Variants in RBPMS2 observed in about 807,000 individuals in gnomAD.
RBPMS2 encodes the protein RNA binding protein, mRNA processing factor 2, also known as RNA-binding protein with multiple splicing 2.
In RBPMS2, 14 loss-of-function variants were observed where a neutral mutation model predicts 25.7. That is an observed-to-expected ratio of 0.55 (90% CI 0.36 to 0.85). The LOEUF (loss-of-function observed/expected upper bound fraction) is 0.85, where lower values mean the gene tolerates loss of function less well. RBPMS2 is among the 40% of genes least tolerant of loss of function. The pLI, the probability that RBPMS2 is intolerant of heterozygous loss-of-function variation, is 0.01. For synonymous variants in RBPMS2, 127 were observed against 115.6 expected, an observed-to-expected ratio of 1.10 and a Z score of -0.63; for missense variants, 252 against 283.4, an observed-to-expected ratio of 0.89 and a Z score of 0.80.
chr15:64,753,817 T>G (rs1316722526), intron 1 of RBPMS2, among the ~76,000 whole-genome samples: 1 of 152,114 alleles, frequency 6.6e-6, no homozygotes, highest in Non-Finnish European at 1.5e-5. Context: ...ACTCGAATCC[T>G]GCTTTGTTGT....
intron 1 of RBPMS2, among the ~76,000 whole-genome samples, chr15:64,770,983 AG>A (rs2083888823): frequency 6.6e-6 from 1 of 152,216 alleles, no homozygotes; most frequent in Non-Finnish European, 1.5e-5. Flanking sequence ...GTGGAAGGGC[AG>A]GGAAGGGCAA....
Position 64,775,339 on chromosome 15 carries a change from C to G in RBPMS2, c.-20G>C. ...GCTCATGGTGCGGGGGAGGGGGCGG[C>G]GGGAAGGAACGCGAGGGCGAGCGCG... On this transcript the variant is annotated 5_prime_UTR_variant, in exon 1 of 8. Coordinates refer to ENST00000300069, the MANE Select transcript of RBPMS2 (RefSeq NM_194272.3). The G allele has an allele frequency of 8.1e-7, 1 of 1,240,522 alleles. No homozygotes were observed. The highest frequency in any genetic ancestry group is 1.0e-6 in the Non-Finnish European group (1 of 984,674). 76.8% of individuals were successfully genotyped at this position (1,240,522 alleles called of 1,614,324 possible). A position where few individuals can be genotyped will look rare whatever the true frequency, so the allele number is the denominator to read the frequency against.
intron 1 of RBPMS2, among the ~76,000 whole-genome samples, chr15:64,760,228 T>A (rs2141069907): frequency 6.6e-6 from 1 of 152,252 alleles, no homozygotes; most frequent in African/African-American, 2.4e-5. Flanking sequence ...GACTGGGACA[T>A]GGGGTCGGCC....
intron 3 of RBPMS2, among the ~76,000 whole-genome samples, chr15:64,749,766 G>A (rs543289145): frequency 1.6e-4 from 25 of 152,114 alleles, no homozygotes; most frequent in Non-Finnish European, 3.2e-4. Context: ...TGAATTAAAC[G>A]TCGCCCTTTT....
intron 1 of RBPMS2, among the ~76,000 whole-genome samples, chr15:64,761,445 T>C (rs1001153370): frequency 6.6e-6 from 1 of 152,220 alleles, no homozygotes; most frequent in Non-Finnish European, 1.5e-5. Flanking sequence ...TGTTCCCAAG[T>C]GCCCAGCTCA....
At chr15:64,774,899 T>C (rs947959994) in intron 1 of RBPMS2, among the ~76,000 whole-genome samples, 13 of 151,194 alleles carry the variant, frequency 8.6e-5, no homozygotes, top group Non-Finnish European at 1.5e-4. Context: ...GGCGAGCGGC[T>C]ACGGGGTGGG....
At chr15:64,767,379 G>A (rs945275062) in intron 1 of RBPMS2, among the ~76,000 whole-genome samples, 7 of 152,198 alleles carry the variant, frequency 4.6e-5, no homozygotes, top group South Asian at 2.1e-4. Context: ...AGGAAGTGAC[G>A]TGACACCAGA....
chr15:64,765,727 CGAGGTCAG>C (rs1320377398), intron 1 of RBPMS2, among the ~76,000 whole-genome samples: 1 of 152,140 alleles, frequency 6.6e-6, no homozygotes, highest in African/African-American at 2.4e-5. Context: ...GGGCGGATTA[CGAGGTCAG>C]GAGTTCGAGA....
At chr15:64,751,885 G>C (rs2083685123) in intron 1 of RBPMS2, among the ~76,000 whole-genome samples, 1 of 152,018 alleles carries the variant, frequency 6.6e-6, no homozygotes, top group African/African-American at 2.4e-5. Flanking sequence ...TCTGCACACA[G>C]ACTGAGTCTG....
chr15:64,746,402 C>T (rs571673099), intron 6 of RBPMS2, among the ~76,000 whole-genome samples: 3 of 152,338 alleles, frequency 2.0e-5, no homozygotes, highest in Non-Finnish European at 4.4e-5. Context: ...TCTGCACTTT[C>T]ACAGCACTCC....
At chr15:64,742,030 G>T (rs1016765365) in intron 6 of RBPMS2, among the ~76,000 whole-genome samples, 15 of 149,946 alleles carry the variant, frequency 1.0e-4, no homozygotes, top group African/African-American at 3.4e-4. Context: ...CGGGCGTAGT[G>T]GTGCATGCCT....
At chr15:64,747,931 T>G (rs986750375) in intron 6 of RBPMS2, among the ~76,000 whole-genome samples, 1 of 152,176 alleles carries the variant, frequency 6.6e-6, no homozygotes, top group Non-Finnish European at 1.5e-5. Context: ...CAGTAGTCAC[T>G]TCGTCTTGAC....
intron 1 of RBPMS2, among the ~76,000 whole-genome samples, chr15:64,771,022 T>C (rs2083889022): frequency 6.6e-6 from 1 of 152,192 alleles, no homozygotes; most frequent in Non-Finnish European, 1.5e-5. Context: ...TGTAGCCCCC[T>C]TAGCTGCCAT....
At chr15:64,745,443 T>C (rs2083609754) in intron 6 of RBPMS2, among the ~76,000 whole-genome samples, 1 of 152,178 alleles carries the variant, frequency 6.6e-6, no homozygotes, top group African/African-American at 2.4e-5. Context: ...ATCTCCATGA[T>C]ACAGATAAGA....
At chr15:64,751,466 GCAT>G in intron 2 of RBPMS2, 92 bp downstream of exon 2, 1 of 1,032,056 alleles carries the variant, frequency 9.7e-7, no homozygotes, top group Non-Finnish European at 1.5e-6. Context: ...ACGCCTTCCC[GCAT>G]CATCCTGCTG....
At chr15:64,741,719 G>A (rs1163970717) in intron 6 of RBPMS2, among the ~76,000 whole-genome samples, 1 of 152,240 alleles carries the variant, frequency 6.6e-6, no homozygotes, top group Non-Finnish European at 1.5e-5. Context: ...TGGTTGTGAG[G>A]ATCAGGTAAG....
chr15:64,747,129 A>G (rs181425750), intron 6 of RBPMS2, among the ~76,000 whole-genome samples: 1 of 152,306 alleles, frequency 6.6e-6, no homozygotes, highest in East Asian at 1.9e-4. Context: ...CAGCTGGGGA[A>G]GAGCGCCAGG....
intron 1 of RBPMS2, among the ~76,000 whole-genome samples, chr15:64,766,068 T>C (rs944404715): frequency 6.6e-6 from 1 of 151,842 alleles, no homozygotes; most frequent in South Asian, 2.1e-4. Context: ...TAAAAGATAG[T>C]TGAGGAGGGG....
chr15:64,753,556 T>G (rs760625788), intron 1 of RBPMS2, among the ~76,000 whole-genome samples: 1 of 152,200 alleles, frequency 6.6e-6, no homozygotes, highest in Non-Finnish European at 1.5e-5. Context: ...CACGCAAGAA[T>G]GACTCTCAGC....
Sources: gnomAD v4.1 joint callset for allele counts (sites outside exome capture counted in the v4.1 genomes callset) on GRCh38, gnomAD v4.1.1 for gene constraint, MANE v1.5 for transcripts, NCBI Gene and HGNC (gene_info 2026-07-23, HGNC 2026-07-21) for gene names.